LRMDA: variants seen among roughly 807,000 people sequenced by gnomAD.
LRMDA encodes the protein leucine-rich melanocyte differentiation-associated protein.
A neutral mutation model predicts 29.8 loss-of-function variants in LRMDA; 18 were observed. The observed-to-expected ratio is 0.60, with a 90% CI of 0.42 to 0.90. The LOEUF is 0.90. Ranked by LOEUF, LRMDA falls within the 40% of genes least tolerant of loss-of-function variation. The pLI, the probability that LRMDA is intolerant of heterozygous loss-of-function variation, is 0.00. For missense variants in LRMDA, 273 were observed against 273.9 expected (o/e 1.00, Z 0.02); for synonymous variants, 125 against 109.4 (o/e 1.14, Z -0.89).
At chr10:76,041,424 C>A (rs544089641) in intron 3 of LRMDA, among the ~76,000 whole-genome samples, 1 of 152,114 alleles carries the variant, frequency 6.6e-6, no homozygotes, top group Non-Finnish European at 1.5e-5. Flanking sequence ...ACCGTTAACC[C>A]GTTTCCTTAA....
chr10:76,496,585 A>C (rs1293455554), intron 6 of LRMDA, among the ~76,000 whole-genome samples: 1 of 75,632 alleles, frequency 1.3e-5, no homozygotes, highest in African/African-American at 3.2e-5. Context: ...TGGAATTGAA[A>C]GTATCATAAA....
intron 5 of LRMDA, among the ~76,000 whole-genome samples, chr10:76,070,283 A>G (rs886611366): frequency 6.6e-6 from 1 of 152,218 alleles, no homozygotes; most frequent in African/African-American, 2.4e-5. Flanking sequence ...TACCTAAGTC[A>G]GCTTGGGATA....
rs555615855 is a variant in LRMDA, at chr10:75,590,552, G to A, written c.131+152058G>A. 1.6e-3 allele frequency among the ~76,000 whole-genome samples: 243 copies of A among 152,162 alleles called. 3 individuals carry two copies. In the South Asian group the frequency reaches 0.022, roughly 14 times the overall value. Reference sequence around the variant, plus strand: ...AATGAACAAAAAGAAATCACAGTGCGGGACATGGAAGAGGAGTGAAAAGAG... The same window carrying A: ...AATGAACAAAAAGAAATCACAGTGCAGGACATGGAAGAGGAGTGAAAAGAG... On this transcript the variant is annotated intron_variant, in intron 2 of 6. Coordinates refer to ENST00000611255, the MANE Select transcript of LRMDA (RefSeq NM_001305581.2).
At chr10:75,683,810 C>T (rs1264728077) in intron 2 of LRMDA, among the ~76,000 whole-genome samples, 1 of 152,316 alleles carries the variant, frequency 6.6e-6, no homozygotes, top group Admixed American at 6.5e-5. Context: ...TTATTACACA[C>T]CTACTCTGTG....
chr10:75,730,288 A>G (rs1011106758), intron 2 of LRMDA, among the ~76,000 whole-genome samples: 4 of 152,060 alleles, frequency 2.6e-5, no homozygotes, highest in African/African-American at 9.7e-5. Context: ...TCTATAGAGC[A>G]CTGACTTTTT....
intron 2 of LRMDA, among the ~76,000 whole-genome samples, chr10:75,546,235 A>C (rs1339577880): frequency 6.6e-6 from 1 of 152,182 alleles, no homozygotes; most frequent in Non-Finnish European, 1.5e-5. Flanking sequence ...CTAGTGTTTC[A>C]AGCATTCTCC....
intron 2 of LRMDA, among the ~76,000 whole-genome samples, chr10:75,856,411 A>G (rs1410709052): frequency 6.6e-6 from 1 of 152,212 alleles, no homozygotes; most frequent in African/African-American, 2.4e-5. Context: ...ATCCCTGATG[A>G]ACATTGATGC....
intron 5 of LRMDA, among the ~76,000 whole-genome samples, chr10:76,235,187 A>C (rs546551988): frequency 2.4e-4 from 36 of 152,136 alleles, no homozygotes; most frequent in Non-Finnish European, 4.7e-4. Context: ...GCCTGGGGAG[A>C]GAGAGAGAGA....
rs1001353292 is a variant in LRMDA at position 76,315,303 on chromosome 10, A to G, written c.517-9098A>G. Among the ~76,000 whole-genome samples, 7 of 152,276 alleles carry G rather than the reference A, an allele frequency of 4.6e-5. No homozygotes were observed. The South Asian group carries it at 8.3e-4, about 18-fold the overall frequency. ...CAGACAAGAGCCCCACCCCCTAACC[A>G]GTTGAAGGGGCGGGAGCCCGCACTC... is the stretch of plus-strand genomic sequence containing the variant. On this transcript the variant is annotated intron_variant, in intron 5 of 6. Transcript: ENST00000611255.
chr10:75,716,630 G>C (rs1842503615), intron 2 of LRMDA, among the ~76,000 whole-genome samples: 1 of 152,200 alleles, frequency 6.6e-6, no homozygotes, highest in East Asian at 1.9e-4. Flanking sequence ...GGTGGCCTCA[G>C]CTTCCATTCT....
intron 5 of LRMDA, among the ~76,000 whole-genome samples, chr10:76,137,678 C>T (rs1290746195): frequency 6.7e-6 from 1 of 150,190 alleles, no homozygotes; most frequent in African/African-American, 2.5e-5. Flanking sequence ...TCACAATGCT[C>T]AACAAATGAC....
At chr10:75,636,874 A>G (rs1286209894) in intron 2 of LRMDA, among the ~76,000 whole-genome samples, 1 of 151,988 alleles carries the variant, frequency 6.6e-6, no homozygotes, top group Admixed American at 6.6e-5. Flanking sequence ...TTTATTGGGT[A>G]TCCATCACAC....
chr10:75,999,601 T>C (rs1847527566), intron 2 of LRMDA, among the ~76,000 whole-genome samples: 1 of 152,240 alleles, frequency 6.6e-6, no homozygotes, highest in Non-Finnish European at 1.5e-5. Context: ...GTTTCTTCTG[T>C]AGCTTGATTC....
At position 75,983,167 on chromosome 10, in the gene LRMDA, C is replaced by T. The variant is rs139428226; in HGVS notation, c.132-52841C>T. The stretch of plus-strand genomic sequence containing the variant: ...TCCTAGATGTGAGTAATGTGGGCAT[C>T]CAGCCATCGAAGCCTGCCAGGACAG... On this transcript the variant is annotated intron_variant, in intron 2 of 6. Transcript: ENST00000611255. Among the ~76,000 whole-genome samples, 414 of 152,256 alleles carry T rather than the reference C, an allele frequency of 2.7e-3. 6 individuals are homozygous for T. The highest frequency in any genetic ancestry group is 0.018 in the South Asian group (86 of 4,810).
At chr10:76,287,617 G>GC (rs749744958) in intron 5 of LRMDA, among the ~76,000 whole-genome samples, 8 of 152,076 alleles carry the variant, frequency 5.3e-5, no homozygotes, top group Non-Finnish European at 1.0e-4. Flanking sequence ...GAAAGGCAAT[G>GC]CATTCTTAGT....
intron 2 of LRMDA, among the ~76,000 whole-genome samples, chr10:75,473,840 T>C (rs982963669): frequency 3.3e-5 from 5 of 152,220 alleles, no homozygotes; most frequent in Admixed American, 6.5e-5. Context: ...AAGGTGACTT[T>C]GCCCTAGAGC....
intron 5 of LRMDA, among the ~76,000 whole-genome samples, chr10:76,076,345 CAAA>C (rs397846101): frequency 3.6e-4 from 18 of 50,028 alleles, no homozygotes; most frequent in Non-Finnish European, 5.6e-4. Flanking sequence ...GACTCCATCT[CAAA>C]AAAAAAAAAA....
intron 6 of LRMDA, among the ~76,000 whole-genome samples, chr10:76,395,635 G>A (rs1007031097): frequency 2.0e-5 from 3 of 152,134 alleles, no homozygotes; most frequent in African/African-American, 7.2e-5. Context: ...TCTTTTCTCT[G>A]TTGTGTATTC....
At chr10:75,690,369 A>C (rs577638006) in intron 2 of LRMDA, among the ~76,000 whole-genome samples, 2 of 152,256 alleles carry the variant, frequency 1.3e-5, no homozygotes, top group African/African-American at 4.8e-5. Flanking sequence ...CAGTGGCGTG[A>C]TCATGGCTTA....
Sources: allele counts gnomAD v4.1 joint callset (sites outside exome capture counted in the v4.1 genomes callset), GRCh38; gene constraint gnomAD v4.1.1; transcripts MANE v1.5; gene names NCBI Gene and HGNC (gene_info 2026-07-23, HGNC 2026-07-21).